SLC4A10: variants seen among roughly 807,000 people sequenced by gnomAD.
SLC4A10 encodes the protein solute carrier family 4 member 10, also known as sodium-driven chloride bicarbonate exchanger.
SLC4A10 carries 42 observed loss-of-function variants against 137.7 expected under a neutral mutation model. The observed-to-expected ratio is 0.30, with a 90% CI of 0.24 to 0.39. The LOEUF (loss-of-function observed/expected upper bound fraction) is 0.39, where lower values mean the gene tolerates loss of function less well. SLC4A10 is among the 10% of genes least tolerant of loss of function. The pLI is 1.00. For synonymous variants in SLC4A10, 474 were observed against 464.1 expected (o/e 1.02, Z -0.27); for missense variants, 925 against 1,355.0 (o/e 0.68, Z 4.98).
chr2:161,819,249 G>A (rs1166571250), intron 3 of SLC4A10, among the ~76,000 whole-genome samples: 1 of 152,088 alleles, frequency 6.6e-6, no homozygotes, highest in Non-Finnish European at 1.5e-5. Flanking sequence ...CCTACCATAT[G>A]TCATGGTTGG....
At chr2:161,707,954 G>A (rs1334928555) in intron 1 of SLC4A10, among the ~76,000 whole-genome samples, 7 of 146,508 alleles carry the variant, frequency 4.8e-5, no homozygotes, top group East Asian at 2.1e-4. Flanking sequence ...TGGATAAGTC[G>A]TGATACCCAT....
At chr2:161,832,610 A>T (rs1178044192) in intron 3 of SLC4A10, among the ~76,000 whole-genome samples, 1 of 152,190 alleles carries the variant, frequency 6.6e-6, no homozygotes, top group Non-Finnish European at 1.5e-5. Context: ...TCCTTTAGGC[A>T]GGGAGATTAC....
intron 6 of SLC4A10, among the ~76,000 whole-genome samples, chr2:161,870,181 T>C (rs1325414991): frequency 1.3e-5 from 2 of 151,282 alleles, no homozygotes; most frequent in Non-Finnish European, 3.0e-5. Context: ...ACTGTAATTA[T>C]TTACAAGGAG....
intron 1 of SLC4A10, among the ~76,000 whole-genome samples, chr2:161,710,088 A>C (rs2044115537): frequency 6.6e-6 from 1 of 151,628 alleles, no homozygotes; most frequent in Admixed American, 6.6e-5. Context: ...TCTCCTTTTT[A>C]ATTAAAAACA....
At chr2:161,865,597 G>T (rs2060692101) in intron 6 of SLC4A10, among the ~76,000 whole-genome samples, 1 of 151,992 alleles carries the variant, frequency 6.6e-6, no homozygotes, top group African/African-American at 2.4e-5. Context: ...TTATGACTCT[G>T]TTTTGCTTCC....
chr2:161,912,369 T>C (rs1382194945), intron 15 of SLC4A10, among the ~76,000 whole-genome samples: 2 of 152,164 alleles, frequency 1.3e-5, no homozygotes, highest in African/African-American at 4.8e-5. Flanking sequence ...GGCTATGTTT[T>C]GGTGAGATGT....
At chr2:161,888,783 T>C (rs2062598104) in intron 10 of SLC4A10, among the ~76,000 whole-genome samples, 1 of 152,202 alleles carries the variant, frequency 6.6e-6, no homozygotes, top group Non-Finnish European at 1.5e-5. Context: ...TATTTCCTTC[T>C]CTTCCCTGGT....
chr2:161,792,057 A>G (rs2054267030), intron 2 of SLC4A10, among the ~76,000 whole-genome samples: 1 of 152,162 alleles, frequency 6.6e-6, no homozygotes, highest in South Asian at 2.1e-4. Flanking sequence ...ATAGTTCCTT[A>G]TAACTAAACT....
Position 161,624,541 on chromosome 2 carries a change from C to T in SLC4A10, c.23C>T (p.Ala8Val). Reference sequence around the variant, plus strand: ...AACATGGAGATTAAAGACCAGGGAGCCCAAATGGAGCCGCTGCTGCCTACG... The same window carrying T: ...AACATGGAGATTAAAGACCAGGGAGTCCAAATGGAGCCGCTGCTGCCTACG... The part of the protein sequence containing the change: MEIKDQG[A>V]QMEPLLPTRN... Residue 8 changes from alanine (A) to valine (V), a missense_variant, in exon 1 of 27, where the codon GCC becomes GTC. Physicochemically the swap from Ala to Val is moderately conservative, Grantham distance 64. Around this residue, in one of 11 missense-constraint regions of SLC4A10, gnomAD observed 138 missense variants for 171.3 expected, o/e 0.81. Coordinates refer to ENST00000446997, the MANE Select transcript of SLC4A10 (RefSeq NM_001178015.2). 6.4e-7 allele frequency: 1 copy of T among 1,553,786 alleles called. No individual in the cohort carries two copies. The highest frequency in any genetic ancestry group is 1.4e-5 in the African/African-American group (1 of 73,212).
intron 1 of SLC4A10, among the ~76,000 whole-genome samples, chr2:161,664,375 T>C (rs2038800606): frequency 6.6e-6 from 1 of 151,930 alleles, no homozygotes; most frequent in Non-Finnish European, 1.5e-5. Flanking sequence ...ATAATGTTGA[T>C]ACAAGATCAA....
chr2:161,692,423 T>G (rs764216677), intron 1 of SLC4A10, among the ~76,000 whole-genome samples: 4 of 152,086 alleles, frequency 2.6e-5, no homozygotes, highest in Non-Finnish European at 5.9e-5. Context: ...TTATAGAATG[T>G]TGTTATGGTG....
intron 15 of SLC4A10, among the ~76,000 whole-genome samples, chr2:161,935,352 T>A (rs970715906): frequency 6.6e-6 from 1 of 152,176 alleles, no homozygotes; most frequent in African/African-American, 2.4e-5. Context: ...TCAAGATTTA[T>A]TTGGTTATTT....
chr2:161,709,154 G>A (rs1268204643), intron 1 of SLC4A10, among the ~76,000 whole-genome samples: 3 of 151,450 alleles, frequency 2.0e-5, no homozygotes, highest in African/African-American at 7.3e-5. Flanking sequence ...AGCCTGAATA[G>A]AGTCAATCTT....
intron 6 of SLC4A10, among the ~76,000 whole-genome samples, chr2:161,865,262 T>C (rs1282625675): frequency 6.6e-6 from 1 of 152,078 alleles, no homozygotes; most frequent in East Asian, 1.9e-4. Flanking sequence ...TTTAAACTTC[T>C]ATTAAACATT....
chr2:161,774,741 G>A (rs746029293), intron 2 of SLC4A10, among the ~76,000 whole-genome samples: 4 of 151,854 alleles, frequency 2.6e-5, no homozygotes, highest in Non-Finnish European at 4.4e-5. Flanking sequence ...CAGTTGAGAC[G>A]TCTACTGCAA....
At chr2:161,922,940 T>G (rs62188851) in intron 15 of SLC4A10, among the ~76,000 whole-genome samples, 10,210 of 152,214 alleles carry the variant, frequency 0.067, 449 homozygotes, top group East Asian at 0.13. Context: ...CCATAACTGT[T>G]TAGTGCACAC....
chr2:161,687,738 C>T (rs939947595), intron 1 of SLC4A10, among the ~76,000 whole-genome samples: 26 of 152,110 alleles, frequency 1.7e-4, no homozygotes, highest in African/African-American at 2.4e-5. Context: ...GCAATTTCCC[C>T]CATGCTGCTC....
chr2:161,644,383 C>T (rs1410971196), intron 1 of SLC4A10, among the ~76,000 whole-genome samples: 1 of 152,010 alleles, frequency 6.6e-6, no homozygotes, highest in African/African-American at 2.4e-5. Context: ...GTAGTGCCAG[C>T]TACACAGGAG....
intron 20 of SLC4A10, among the ~76,000 whole-genome samples, chr2:161,958,167 CATA>C (rs905526844): frequency 1.2e-4 from 19 of 152,122 alleles, no homozygotes; most frequent in African/African-American, 4.3e-4. Context: ...TCCAAAGTAG[CATA>C]ATAATAATAT....
Sources: gnomAD v4.1 joint callset for allele counts (sites outside exome capture counted in the v4.1 genomes callset) on GRCh38, gnomAD v4.1.1 for gene constraint, gnomAD v4.1.1 regional missense constraint, MANE v1.5 for transcripts, NCBI Gene and HGNC (gene_info 2026-07-23, HGNC 2026-07-21) for gene names.